The following DLG3 variants were observed in gnomAD, a reference collection of about 807,000 sequenced individuals.
The protein encoded by DLG3 is disks large homolog 3.
In DLG3, 1 loss-of-function variant was observed where a neutral mutation model predicts 64.1. The ratio of observed to expected loss-of-function variants is 0.02; its 90% CI spans 0.01 to 0.07. The LOEUF (loss-of-function observed/expected upper bound fraction) is 0.07. Among genes scored for constraint, DLG3 ranks in the 10% least tolerant of loss-of-function variants. The probability of loss-of-function intolerance (pLI) is 1.00; values close to 1 mark genes in which losing one functional copy is unlikely to be tolerated. For missense variants in DLG3, 429 were observed against 669.5 expected (o/e 0.64, Z 3.96); for synonymous variants, 245 against 259.8 (o/e 0.94, Z 0.55).
At chrX:70,485,704 T>A (rs1349444599) in intron 10 of DLG3, among the ~76,000 whole-genome samples, 1 of 112,149 alleles carries the variant, frequency 8.9e-6, no homozygotes, top group African/African-American at 3.2e-5. Flanking sequence ...TCACGGTGGC[T>A]GTGCCAAGTG....
At position 70,493,545 on chromosome X, in the gene DLG3, C is replaced by T. The variant is rs746013925; in HGVS notation, c.1773+949C>T. On this transcript the variant is annotated intron_variant, in intron 12 of 18. Coordinates refer to ENST00000374360, the MANE Select transcript of DLG3 (RefSeq NM_021120.4). ...TCCTCTCATCCTCAGTTGCCCTTCC[C>T]TCGAGAGAAGCCTGGGCAGGGCCAC... The T allele has an allele frequency of 1.3e-4, 125 of 982,350 alleles. No homozygotes were observed. The East Asian group carries it at 2.8e-3, about 22-fold the overall frequency. 81.0% of individuals were successfully genotyped at this position (982,350 alleles called of 1,213,427 possible).
chrX:70,454,810 T>A (rs1486230923), intron 9 of DLG3, among the ~76,000 whole-genome samples: 1 of 112,852 alleles, frequency 8.9e-6, no homozygotes, highest in Non-Finnish European at 1.9e-5. Flanking sequence ...GGTGATACTA[T>A]GCCCTTGGGA....
At chrX:70,496,958 G>A (rs1403386650) in intron 13 of DLG3, among the ~76,000 whole-genome samples, 1 of 112,366 alleles carries the variant, frequency 8.9e-6, no homozygotes, top group Non-Finnish European at 1.9e-5. Flanking sequence ...ACATAGGGAG[G>A]GACTTGGCAG....
intron 9 of DLG3, among the ~76,000 whole-genome samples, chrX:70,472,878 C>T (rs910960496): frequency 4.5e-5 from 5 of 110,793 alleles, no homozygotes; most frequent in East Asian, 2.8e-4. Flanking sequence ...ATAACCTGTC[C>T]GGGCGCAGTG....
At position 70,451,959 on chromosome X, in the gene DLG3, C is replaced by T. The variant is rs780042282; in HGVS notation, c.1078C>T (p.Pro360Ser). ...VESKVSYPAP[P>S]QVPPTRYSPI... ...GAGCAAGGTCAGCTACCCTGCTCCT[C>T]CTCAGGTTCCCCCCACCCGCTACTC... Residue 360 changes from proline to serine, a missense_variant, in exon 7 of 19, where the codon CCT becomes TCT. Coordinates refer to ENST00000374360, the MANE Select transcript of DLG3 (RefSeq NM_021120.4). 2.5e-6 allele frequency: 3 copies of T among 1,211,490 alleles called. No homozygotes were observed. The highest frequency in any genetic ancestry group is 3.4e-6 in the Non-Finnish European group (3 of 895,339).
chrX:70,468,890 G>A lies in DLG3; in HGVS notation c.1406-10260G>A, dbSNP rs182289010. Among the ~76,000 whole-genome samples, 635 of 111,193 alleles carry A rather than the reference G, an allele frequency of 5.7e-3. 2 individuals are homozygous for A. The highest frequency in any genetic ancestry group is 0.02 in the African/African-American group (604 of 30,572). ...GATTCCGTATGGACCTCATTGATTT[G>A]GTCATAAAATCATAATGATGTCATA... On this transcript the variant is annotated intron_variant, in intron 9 of 18. Transcript: ENST00000374360.
intron 9 of DLG3, among the ~76,000 whole-genome samples, chrX:70,468,484 G>C (rs1346760943): frequency 3.6e-5 from 4 of 111,125 alleles, no homozygotes; most frequent in African/African-American, 1.3e-4. Flanking sequence ...ATGCTGATCC[G>C]GCATGTTTTG....
At chrX:70,491,581 T>C (rs186535498) in intron 10 of DLG3, among the ~76,000 whole-genome samples, 5 of 112,651 alleles carry the variant, frequency 4.4e-5, no homozygotes, top group African/African-American at 1.3e-4. Flanking sequence ...CTAGGTGACT[T>C]CTATGGTCCC....
chrX:70,446,798 G>C (rs60499335), intron 1 of DLG3, among the ~76,000 whole-genome samples: 2,982 of 112,706 alleles, frequency 0.026, 84 homozygotes, highest in African/African-American at 0.092. Context: ...CTAGGGTGGG[G>C]AGAGAGGAAG....
At chrX:70,465,962 A>G (rs973680712) in intron 9 of DLG3, among the ~76,000 whole-genome samples, 39 of 111,180 alleles carry the variant, frequency 3.5e-4, no homozygotes, top group African/African-American at 1.2e-3. Context: ...GTTTTTGTGA[A>G]TCTCTGATTA....
At chrX:70,449,100 C>A in intron 2 of DLG3, 137 bp downstream of exon 2, 1 of 746,270 alleles carries the variant, frequency 1.3e-6, no homozygotes, top group Non-Finnish European at 2.0e-6. Context: ...CCCTCAGAGG[C>A]TGCTTCACTG....
In DLG3 at chrX:70,499,752, C is replaced by T. The variant is rs766661992; in HGVS notation, c.1973-125C>T. On this transcript the variant is annotated intron_variant, in intron 15 of 18. Transcript: ENST00000374360. ...CTTCCCAACTGCTTGTTTTCTCCCACTTACTTGAAAAAAAAAATGGAGTGG... is the reference window on the plus strand; with the variant it reads ...CTTCCCAACTGCTTGTTTTCTCCCATTTACTTGAAAAAAAAAATGGAGTGG... 4.1e-5 allele frequency: 28 copies of T among 682,329 alleles called. No individual in the cohort carries two copies. In the African/African-American group the frequency reaches 5.7e-4, roughly 14 times the overall value. 56.2% of individuals were successfully genotyped at this position (682,329 alleles called of 1,213,427 possible).
At chrX:70,480,950 G>T (rs2087144092) in intron 10 of DLG3, among the ~76,000 whole-genome samples, 1 of 112,255 alleles carries the variant, frequency 8.9e-6, no homozygotes. Context: ...TTAACTCTGG[G>T]GCGAGGGTGG....
chrX:70,457,495 A>G (rs1037389748), intron 9 of DLG3, among the ~76,000 whole-genome samples: 2 of 112,018 alleles, frequency 1.8e-5, no homozygotes, highest in African/African-American at 6.5e-5. Flanking sequence ...GTCATTTACC[A>G]TACAGTTTCC....
At chrX:70,455,080 G>A (rs2086679420) in intron 9 of DLG3, 18 of 736,411 alleles carry the variant, frequency 2.4e-5, no homozygotes, top group Non-Finnish European at 2.6e-5. Context: ...GAGGGCGGCA[G>A]GCGCCCCTCC....
At chrX:70,449,317 C>T in intron 2 of DLG3, 42 bp from the exon 3 acceptor site, 1 of 1,210,447 alleles carries the variant, frequency 8.3e-7, no homozygotes, top group Non-Finnish European at 1.1e-6. Context: ...TCCTTTGTGC[C>T]CTCAGAGTGA....
At chrX:70,452,811 C>T (rs1204015351) in intron 7 of DLG3, 1 of 1,040,023 alleles carries the variant, frequency 9.6e-7, no homozygotes, top group East Asian at 3.2e-5. Context: ...GGAGTCTCGC[C>T]CCTGAGACTG....
chrX:70,453,186 G>T, intron 7 of DLG3: 1 of 162,658 alleles, frequency 6.1e-6, no homozygotes, highest in Non-Finnish European at 1.2e-5. Flanking sequence ...TGTCTGTGAA[G>T]TAAGTGTGCA....
intron 9 of DLG3, among the ~76,000 whole-genome samples, chrX:70,473,157 CA>C (rs59440260): frequency 0.35 from 14,708 of 41,903 alleles, 1,558 homozygotes; most frequent in African/African-American, 0.53. Context: ...AACTCCGTCT[CA>C]AAAAAAAAAA....
Sources: gnomAD v4.1 joint callset for allele counts (sites outside exome capture counted in the v4.1 genomes callset) on GRCh38, gnomAD v4.1.1 for gene constraint, MANE v1.5 for transcripts, NCBI Gene and HGNC (gene_info 2026-07-23, HGNC 2026-07-21) for gene names.